Variants in DDN observed in about 807,000 individuals in gnomAD.
The protein encoded by DDN is dendrin.
In DDN, 4 loss-of-function variants were observed where a neutral mutation model predicts 7.3. The ratio of observed to expected loss-of-function variants is 0.55; its 90% CI spans 0.27 to 1.25. The LOEUF (loss-of-function observed/expected upper bound fraction) is 1.25. Among genes scored for constraint, DDN ranks in the 50% most tolerant of loss-of-function variants. The pLI, the probability that DDN is intolerant of heterozygous loss-of-function variation, is 0.12. For synonymous variants in DDN, 425 were observed against 424.3 expected (o/e 1.00, Z -0.02); for missense variants, 933 against 974.7 (o/e 0.96, Z 0.57).
rs201048463 is a variant in DDN at position 48,997,470 on chromosome 12, G to A, written c.1406C>T (p.Thr469Ile). 9 of 1,613,942 alleles carry A rather than the reference G, an allele frequency of 5.6e-6. No individual in the cohort carries two copies. The highest frequency in any genetic ancestry group is 2.2e-5 in the South Asian group (2 of 91,074). ...AAGCTGCACCTGCTGGGTTCGGGGG[G>A]TTGGAACATATTGGGATCGTATCAC... The part of the protein sequence containing the change: ...CVVIRSQYVP[T>I]PRTQQVQLLP... Residue 469 changes from threonine (T) to isoleucine (I), a missense_variant, in exon 2 of 2, where the codon ACC becomes ATC. Coordinates refer to ENST00000421952, the MANE Select transcript of DDN (RefSeq NM_015086.2).
At position 48,997,321 on chromosome 12, in the gene DDN, GGCGACT is replaced by G; in HGVS notation, c.1549_1554del (p.Ser517_Arg518del). On this transcript the variant is annotated inframe_deletion, in exon 2 of 2. Transcript: ENST00000421952. ...CGGCCCCCGCCGGGCTGGTGTAAAA[GGCGACT>G]GCTCGACAGCCGCTTTTGACAAGGG... is the stretch of plus-strand genomic sequence containing the variant. 12 of 1,609,908 alleles carry G rather than the reference GGCGACT, an allele frequency of 7.5e-6. No homozygotes were observed. The highest frequency in any genetic ancestry group is 1.0e-5 in the Non-Finnish European group (12 of 1,178,542).
In DDN at chr12:48,996,416, G is replaced by T. The variant is rs1381838046; in HGVS notation, c.*324C>A. 4 of 263,232 alleles carry T rather than the reference G, an allele frequency of 1.5e-5. No individual in the cohort carries two copies. Among genetic ancestry groups the T allele is most frequent in the Non-Finnish European group, 2.9e-5 (4 of 137,866 alleles). 16.3% of individuals were successfully genotyped at this position (263,232 alleles called of 1,614,324 possible). A position where few individuals can be genotyped will look rare whatever the true frequency, so the allele number is the denominator to read the frequency against. On this transcript the variant is annotated 3_prime_UTR_variant, in exon 2 of 2. Transcript: ENST00000421952. ...CCCTACCCTACCCTGCCCTCCTATG[G>T]CTGCCACCATCCCTGCCCTCCTGCC...
At position 48,998,481 on chromosome 12, in the gene DDN, G is replaced by T; in HGVS notation, c.395C>A (p.Ala132Asp). Residue 132 changes from alanine to aspartate, a missense_variant, in exon 2 of 2, where the codon GCT (alanine) becomes GAT (aspartate). Ala to Asp is a moderately radical substitution (Grantham distance 126, BLOSUM62 -2). Coordinates refer to ENST00000421952, the MANE Select transcript of DDN (RefSeq NM_015086.2). ...AKETERKRRKAGGARRSPPGR... is the reference protein window; with the variant it reads ...AKETERKRRKDGGARRSPPGR... ...CGGGGGGCTCCGTCGGGCCCCACCA[G>T]CCTTGCGCCTTTTTCGCTCGGTCTC... 1 of 1,583,126 alleles carries T rather than the reference G, an allele frequency of 6.3e-7. No individual in the cohort carries two copies. The highest frequency in any genetic ancestry group is 8.5e-7 in the Non-Finnish European group (1 of 1,172,758).
At position 48,997,554 on chromosome 12, in the gene DDN, C is replaced by A. The variant is rs750855088; in HGVS notation, c.1322G>T (p.Arg441Leu). 6 of 1,601,238 alleles carry A rather than the reference C, an allele frequency of 3.7e-6. No homozygotes were observed. Among genetic ancestry groups the A allele is most frequent in the Admixed American group, 3.4e-5 (2 of 59,210 alleles). Residue 441 changes from arginine (R) to leucine (L), a missense_variant, in exon 2 of 2, where the codon CGC becomes CTC. Coordinates refer to ENST00000421952, the MANE Select transcript of DDN (RefSeq NM_015086.2). The stretch of plus-strand genomic sequence containing the variant: ...CCCACGGGACAGGCCCTGGGAACTG[C>A]GGGGCAAGGTGTGGGCACGGCGGGT... ...KATRRAHTLP[R>L]SSQGLSRGEG...
rs1186602348 is a variant in DDN at position 48,998,114 on chromosome 12, T to A, written c.762A>T (p.Ser254=). ...TGGCTGGAGTCGCAGCTGGGGCTGA[T>A]GAAGTGGGCACCTGAGAGTTCCCGG... ...RGPGNSQVPT[S]SAPAATPART... is the part of the protein sequence containing the mutation. Residue 254 remains serine (S), a synonymous_variant, in exon 2 of 2, where the codon TCA becomes TCT. Coordinates refer to ENST00000421952, the MANE Select transcript of DDN (RefSeq NM_015086.2). 6.2e-7 allele frequency: 1 copy of A among 1,613,818 alleles called. No homozygotes were observed. The highest frequency in any genetic ancestry group is 2.2e-5 in the East Asian group (1 of 44,882).
At position 48,997,917 on chromosome 12, in the gene DDN, A is replaced by C. The variant is rs771075807; in HGVS notation, c.959T>G (p.Leu320Arg). The change falls in exon 2 of 2, where the codon CTG (leucine) becomes CGG (arginine). Residue 320 changes from leucine to arginine, a missense_variant. By Grantham distance (102) the Leu-to-Arg change is moderately radical. Transcript: ENST00000421952. The part of the protein sequence containing the change: ...GKGVVEKSLG[L>R]AAADLNSGSD... ...ACCACTGTTCAGGTCAGCAGCAGCCAGCCCCAGGCTTTTCTCCACGACCCC... is the reference window on the plus strand; with the variant it reads ...ACCACTGTTCAGGTCAGCAGCAGCCCGCCCCAGGCTTTTCTCCACGACCCC... The C allele has an allele frequency of 1.5e-5, 24 of 1,612,766 alleles. 1 individual carries two copies. The South Asian group carries it at 2.6e-4, about 18-fold the overall frequency.
chr12:48,996,398 C>A lies in DDN; in HGVS notation c.*342G>T. ...TTCCCTCCTCCTCAGAGGCCCTACC[C>A]TACCCTGCCCTCCTATGGCTGCCAC... On this transcript the variant is annotated 3_prime_UTR_variant, in exon 2 of 2. Coordinates refer to ENST00000421952, the MANE Select transcript of DDN (RefSeq NM_015086.2). The A allele has an allele frequency of 4.2e-6, 1 of 239,946 alleles. No homozygotes were observed. The highest frequency in any genetic ancestry group is 8.2e-6 in the Non-Finnish European group (1 of 122,648). 14.9% of individuals were successfully genotyped at this position (239,946 alleles called of 1,614,324 possible). A position where few individuals can be genotyped will look rare whatever the true frequency, so the allele number is the denominator to read the frequency against.
intron 1 of DDN, 115 bp from the exon 2 acceptor site, chr12:48,998,781 A>T (rs1941256366): frequency 7.7e-7 from 1 of 1,292,564 alleles, no homozygotes; most frequent in Non-Finnish European, 1.0e-6. Flanking sequence ...GGTGTGTGTG[A>T]GTGTGTGCGC....
Position 48,997,426 on chromosome 12 carries a change from G to T in DDN, c.1450C>A (p.Arg484Ser), listed in dbSNP as rs1164500054. 6.2e-7 allele frequency: 1 copy of T among 1,614,102 alleles called. No individual in the cohort carries two copies. The highest frequency in any genetic ancestry group is 1.6e-4 in the Middle Eastern group (1 of 6,062). The change falls in exon 2 of 2, where the codon CGC becomes AGC. Residue 484 changes from arginine to serine, a missense_variant. By Grantham distance (110) the Arg-to-Ser change is moderately radical (BLOSUM62 -1). Coordinates refer to ENST00000421952, the MANE Select transcript of DDN (RefSeq NM_015086.2). Reference protein sequence around the residue: ...QVQLLPSGVTRVVGDSPSQSK... With the variant: ...QVQLLPSGVTSVVGDSPSQSK... ...TGGCTGGGGGAATCCCCCACCACGC[G>T]TGTCACCCCAGAGGGCAAAAGCTGC...
At position 48,998,404 on chromosome 12, in the gene DDN, C is replaced by T; in HGVS notation, c.472G>A (p.Gly158Arg). 6.7e-7 allele frequency: 1 copy of T among 1,499,460 alleles called. No individual in the cohort carries two copies. 92.9% of individuals were successfully genotyped at this position (1,499,460 alleles called of 1,614,324 possible). A position where few individuals can be genotyped will look rare whatever the true frequency, so the allele number is the denominator to read the frequency against. ...TCCGGCCGCAAGGGAGCAGGGAGCC[C>T]TGCCAGCTGGGCCACCCGAGGGGCG... The part of the protein sequence containing the change: ...RNAPRVAQLA[G>R]LPAPLRPERL... Residue 158 changes from glycine (G) to arginine (R), a missense_variant, in exon 2 of 2, where the codon GGG becomes AGG. Transcript: ENST00000421952.
At position 48,997,636 on chromosome 12, in the gene DDN, C is replaced by G. The variant is rs1358578333; in HGVS notation, c.1240G>C (p.Glu414Gln). The G allele has an allele frequency of 6.5e-7, 1 of 1,548,344 alleles. No individual in the cohort carries two copies. Among genetic ancestry groups the G allele is most frequent in the Admixed American group, 2.0e-5 (1 of 51,212 alleles). The change falls in exon 2 of 2, where the codon GAA (glutamate) becomes CAA (glutamine). Residue 414 changes from glutamate (E) to glutamine (Q), a missense_variant. Glu to Gln is a conservative substitution (Grantham distance 29, BLOSUM62 2). Coordinates refer to ENST00000421952, the MANE Select transcript of DDN (RefSeq NM_015086.2). The part of the protein sequence containing the change: ...PWAPGGTGWR[E>Q]SLGLGEGAGP... ...GCCCCCTCTCCAAGACCCAGAGATT[C>G]TCTCCATCCGGTGCCTCCGGGAGCC...
In DDN at chr12:48,996,672, G is replaced by T; in HGVS notation, c.*68C>A. On this transcript the variant is annotated 3_prime_UTR_variant, in exon 2 of 2. Transcript: ENST00000421952. ...GAAAAGAGAAGCAAAGGAAGTCTGT[G>T]GGGAAGAATGGGGACCAGTGGACCC... 2 of 1,555,820 alleles carry T rather than the reference G, an allele frequency of 1.3e-6. No homozygotes were observed. Among genetic ancestry groups the T allele is most frequent in the Non-Finnish European group, 1.7e-6 (2 of 1,150,178 alleles).
At position 48,999,226 on chromosome 12, in the gene DDN, T is replaced by C. The variant is rs564552711; in HGVS notation, c.62A>G (p.Glu21Gly). 2 of 1,591,750 alleles carry C rather than the reference T, an allele frequency of 1.3e-6. No homozygotes were observed. Among genetic ancestry groups the C allele is most frequent in the Non-Finnish European group, 1.7e-6 (2 of 1,169,090 alleles). The change falls in exon 1 of 2, where the codon GAG (glutamate) becomes GGG (glycine). Residue 21 changes from glutamate to glycine, a missense_variant. Physicochemically the swap from Glu to Gly is moderately conservative, Grantham distance 98. Transcript: ENST00000421952. ...CTGCACCCAGAGGCAGCTGCCAGAC[T>C]CCTCATCCTGGAGCTCCCGGGGGCT... ...PDSPRELQDE[E>G]SGSCLWVQKS...
intron 1 of DDN, 62 bp downstream of exon 1, chr12:48,999,017 G>T: frequency 6.4e-7 from 1 of 1,562,528 alleles, no homozygotes; most frequent in Non-Finnish European, 8.8e-7. Flanking sequence ...GGTGCCTGCG[G>T]GGAGGTCCGG....
rs1219028919 is a variant in DDN, at chr12:48,997,102, C to G, written c.1774G>C (p.Val592Leu). 1 of 1,524,290 alleles carries G rather than the reference C, an allele frequency of 6.6e-7. No individual in the cohort carries two copies. Among genetic ancestry groups the G allele is most frequent in the Non-Finnish European group, 8.7e-7 (1 of 1,143,462 alleles). The allele number at this position is 1,524,290 out of a possible 1,614,324, so 94.4% of individuals were successfully genotyped here. A position where few individuals can be genotyped will look rare whatever the true frequency, so the allele number is the denominator to read the frequency against. Residue 592 changes from valine to leucine, a missense_variant, in exon 2 of 2, where the codon GTC becomes CTC. Transcript: ENST00000421952. ...GRAEGSEVAV[V>L]QRRAGRGWAR... ...CAGCCCCGGCCGGCGCGCCGCTGGA[C>G]CACCGCCACTTCCGACCCCTCGGCT...
chr12:48,996,779 G>A lies in DDN; in HGVS notation c.2097C>T (p.Asp699=), dbSNP rs1416196339. 4.3e-6 allele frequency: 7 copies of A among 1,614,104 alleles called. No individual in the cohort carries two copies. The East Asian group carries it at 1.3e-4, about 31-fold the overall frequency. The change falls in exon 2 of 2, where the codon GAC becomes GAT. Residue 699 remains aspartate (D), a synonymous_variant. Coordinates refer to ENST00000421952, the MANE Select transcript of DDN (RefSeq NM_015086.2). ...QTEEVLFGVR[D]IRGTQQGNRK... is the part of the protein sequence containing the mutation. ...TATTTCCCTGTTGGGTCCCTCTGAT[G>A]TCCCTCACCCCGAAGAGGACCTCCT...
chr12:48,997,610 T>A lies in DDN; in HGVS notation c.1266A>T (p.Ala422=). The A allele has an allele frequency of 6.4e-7, 1 of 1,558,918 alleles. No homozygotes were observed. The highest frequency in any genetic ancestry group is 1.4e-5 in the African/African-American group (1 of 73,446). ...WRESLGLGEG[A]GPETLEGWKA... Reference sequence around the variant, plus strand: ...TCCAACCCTCCAGGGTCTCCGGTCCTGCCCCCTCTCCAAGACCCAGAGATT... The same window carrying A: ...TCCAACCCTCCAGGGTCTCCGGTCCAGCCCCCTCTCCAAGACCCAGAGATT... Residue 422 remains alanine, a synonymous_variant, in exon 2 of 2, where the codon GCA becomes GCT. Coordinates refer to ENST00000421952, the MANE Select transcript of DDN (RefSeq NM_015086.2).
In DDN at chr12:48,997,222, G is replaced by GGAGCCCCAA. The variant is rs1381637180; in HGVS notation, c.1645_1653dup (p.Leu549_Leu551dup). 1.3e-6 allele frequency: 2 copies of GGAGCCCCAA among 1,588,198 alleles called. No individual in the cohort carries two copies. Among genetic ancestry groups the GGAGCCCCAA allele is most frequent in the East Asian group, 4.5e-5 (2 of 44,612 alleles). On this transcript the variant is annotated inframe_insertion, in exon 2 of 2. Coordinates refer to ENST00000421952, the MANE Select transcript of DDN (RefSeq NM_015086.2). ...TCCCGCAGGTTTACTTCGGGGGCCGGGAGCCCCAAGATGCGGAAAGTGCGC... is the reference window on the plus strand; with the variant it reads ...TCCCGCAGGTTTACTTCGGGGGCCGGGAGCCCCAAGAGCCCCAAGATGCGGAAAGTGCGC...
Position 48,998,487 on chromosome 12 carries a change from C to A in DDN, c.389G>T (p.Arg130Leu), listed in dbSNP as rs779484052. ...GCTCCGTCGGGCCCCACCAGCCTTG[C>A]GCCTTTTTCGCTCGGTCTCCTTGGC... ...REAKETERKRRKAGGARRSPP... is the reference protein window; with the variant it reads ...REAKETERKRLKAGGARRSPP... Residue 130 changes from arginine to leucine, a missense_variant, in exon 2 of 2, where the codon CGC becomes CTC. Arg to Leu is a moderately radical substitution (Grantham distance 102). Coordinates refer to ENST00000421952, the MANE Select transcript of DDN (RefSeq NM_015086.2). 1.3e-6 allele frequency: 2 copies of A among 1,584,748 alleles called. No homozygotes were observed. Among genetic ancestry groups the A allele is most frequent in the South Asian group, 2.2e-5 (2 of 88,938 alleles).
Sources: gnomAD v4.1 joint callset for allele counts on GRCh38, gnomAD v4.1.1 for gene constraint, MANE v1.5 for transcripts, NCBI Gene and HGNC (gene_info 2026-07-23, HGNC 2026-07-21) for gene names.